The following PID1 variants were observed in gnomAD, a reference collection of about 807,000 sequenced individuals.
PID1 encodes the protein phosphotyrosine interaction domain containing 1, also known as PTB-containing, cubilin and LRP1-interacting protein.
In PID1, 10 loss-of-function variants were observed where a neutral mutation model predicts 19.1. The observed-to-expected ratio is 0.52, with a 90% confidence interval of 0.32 to 0.89. The LOEUF (loss-of-function observed/expected upper bound fraction) is 0.89, where lower values mean the gene tolerates loss of function less well. Among genes scored for constraint, PID1 ranks in the 40% least tolerant of loss-of-function variants. The pLI is 0.03. For synonymous variants in PID1, 130 were observed against 116.0 expected (o/e 1.12, Z -0.78); for missense variants, 248 against 285.3 (o/e 0.87, Z 0.94).
chr2:229,251,014 A>G (rs1191400784), intron 1 of PID1, among the ~76,000 whole-genome samples: 1 of 152,214 alleles, frequency 6.6e-6, no homozygotes, highest in African/African-American at 2.4e-5. Context: ...GCACTGTGAC[A>G]AATCCAAATC....
At chr2:229,215,026 T>TA (rs2106252948) in intron 1 of PID1, among the ~76,000 whole-genome samples, 1 of 152,330 alleles carries the variant, frequency 6.6e-6, no homozygotes, top group East Asian at 1.9e-4. Flanking sequence ...TAAATCATGA[T>TA]ACAATTTTAC....
At chr2:229,037,787 C>A (rs1201170601) in intron 2 of PID1, among the ~76,000 whole-genome samples, 1 of 152,278 alleles carries the variant, frequency 6.6e-6, no homozygotes, top group Admixed American at 6.5e-5. Context: ...GCTTTCTAGT[C>A]AGAAGAGTAT....
chr2:229,058,629 C>T (rs1237299757), intron 2 of PID1, among the ~76,000 whole-genome samples: 2 of 151,220 alleles, frequency 1.3e-5, no homozygotes, highest in South Asian at 4.2e-4. Flanking sequence ...TCAACCTCAG[C>T]GTCATTGCAC....
In PID1 at chr2:229,130,550, T is replaced by C. The variant is rs73998557; in HGVS notation, c.177+25268A>G. Among the ~76,000 whole-genome samples the C allele has an allele frequency of 4.5e-3, 688 of 152,334 alleles. 6 individuals are homozygous for C. The highest frequency in any genetic ancestry group is 0.016 in the African/African-American group (657 of 41,576). ...TGAGGGATGTGGCGGAGCAAGTTAA[T>C]GAGGAAACTCGTAGGCTTGTCAGGC... On this transcript the variant is annotated intron_variant, in intron 2 of 2. Transcript: ENST00000392055.
intron 2 of PID1, among the ~76,000 whole-genome samples, chr2:229,100,356 T>C (rs1353152433): frequency 6.6e-6 from 1 of 152,198 alleles, no homozygotes; most frequent in East Asian, 1.9e-4. Flanking sequence ...TAATTTAAAA[T>C]TAAAAATAGG....
At chr2:229,127,881 C>G (rs1428112090) in intron 2 of PID1, among the ~76,000 whole-genome samples, 1 of 152,220 alleles carries the variant, frequency 6.6e-6, no homozygotes, top group Non-Finnish European at 1.5e-5. Context: ...CTGTCTGTCT[C>G]TCTCTCTCAG....
At chr2:229,178,428 T>C (rs1690871136) in intron 1 of PID1, among the ~76,000 whole-genome samples, 2 of 152,206 alleles carry the variant, frequency 1.3e-5, no homozygotes, top group Non-Finnish European at 2.9e-5. Context: ...AAGGTGTATA[T>C]AGAAATTTTA....
chr2:229,185,825 C>G (rs1691118009), intron 1 of PID1, among the ~76,000 whole-genome samples: 1 of 152,126 alleles, frequency 6.6e-6, no homozygotes, highest in South Asian at 2.1e-4. Flanking sequence ...TGGTCCCTCC[C>G]AAATCTCATG....
chr2:229,234,077 C>T (rs1203472816), intron 1 of PID1, among the ~76,000 whole-genome samples: 1 of 152,160 alleles, frequency 6.6e-6, no homozygotes, highest in African/African-American at 2.4e-5. Context: ...GAAAGGCCAG[C>T]ATGTTGACCA....
chr2:229,178,564 C>T (rs1445674793), intron 1 of PID1, among the ~76,000 whole-genome samples: 1 of 152,032 alleles, frequency 6.6e-6, no homozygotes, highest in Non-Finnish European at 1.5e-5. Context: ...CTCTAATCCT[C>T]CTGGCCACTG....
chr2:229,202,699 C>T (rs1479754813), intron 1 of PID1, among the ~76,000 whole-genome samples: 4 of 152,072 alleles, frequency 2.6e-5, no homozygotes. Flanking sequence ...TTAAGTAATA[C>T]TGACAAAGTA....
chr2:229,058,049 T>C (rs1452677430), intron 2 of PID1, among the ~76,000 whole-genome samples: 1 of 152,222 alleles, frequency 6.6e-6, no homozygotes, highest in Non-Finnish European at 1.5e-5. Context: ...TGAATGGCTG[T>C]GTCCCCCAGG....
At chr2:229,224,515 T>A (rs1333426980) in intron 1 of PID1, among the ~76,000 whole-genome samples, 1 of 152,204 alleles carries the variant, frequency 6.6e-6, no homozygotes, top group Non-Finnish European at 1.5e-5. Flanking sequence ...ATTATATAAA[T>A]TTTTAATTAA....
rs1574674782 is a variant in PID1 at position 229,155,711 on chromosome 2, T to C, written c.177+107A>G. On this transcript the variant is annotated intron_variant, in intron 2 of 2. Transcript: ENST00000392055. ...TGAATTTATTTTGTTGGTCATTTTA[T>C]ATTTTCATTCTTAAAAATGATTACC... The C allele has an allele frequency of 7.7e-6, 8 of 1,032,778 alleles. No homozygotes were observed. In the East Asian group the frequency reaches 2.0e-4, roughly 26 times the overall value. The allele number at this position is 1,032,778 out of a possible 1,614,324, so 64.0% of individuals were successfully genotyped here.
intron 2 of PID1, among the ~76,000 whole-genome samples, chr2:229,067,414 C>A (rs1034295909): frequency 6.6e-6 from 1 of 152,134 alleles, no homozygotes; most frequent in Non-Finnish European, 1.5e-5. Flanking sequence ...CAGGTACAGA[C>A]AAGTAAGGGA....
intron 2 of PID1, among the ~76,000 whole-genome samples, chr2:229,048,661 A>G (rs1472638350): frequency 1.3e-5 from 2 of 152,204 alleles, no homozygotes; most frequent in African/African-American, 2.4e-5. Flanking sequence ...GGAAGGGCAG[A>G]CAGCAGCGGC....
chr2:229,046,377 T>TGTGC (rs1252705111), intron 2 of PID1, among the ~76,000 whole-genome samples: 2 of 146,928 alleles, frequency 1.4e-5, no homozygotes, highest in African/African-American at 2.6e-5. Context: ...TGTGTGTGTG[T>TGTGC]GTGCGTGTGT....
chr2:229,196,452 G>A (rs1233156070), intron 1 of PID1, among the ~76,000 whole-genome samples: 1 of 151,864 alleles, frequency 6.6e-6, no homozygotes, highest in African/African-American at 2.4e-5. Flanking sequence ...CAAATCAATG[G>A]AGAAAACAAA....
At chr2:229,053,414 T>G (rs1003081324) in intron 2 of PID1, among the ~76,000 whole-genome samples, 10 of 152,214 alleles carry the variant, frequency 6.6e-5, no homozygotes, top group African/African-American at 1.9e-4. Context: ...AAGCCAGAAC[T>G]GTTATAGGCA....
Sources: gnomAD v4.1 joint callset for allele counts (sites outside exome capture counted in the v4.1 genomes callset) on GRCh38, gnomAD v4.1.1 for gene constraint, MANE v1.5 for transcripts, NCBI Gene and HGNC (gene_info 2026-07-23, HGNC 2026-07-21) for gene names.